Variants in PRKD2 observed in about 807,000 individuals in gnomAD.
PRKD2 encodes the protein protein kinase D2.
PRKD2 carries 22 observed loss-of-function variants against 86.0 expected under a neutral mutation model. The observed-to-expected ratio is 0.26, with a 90% CI of 0.18 to 0.37. The LOEUF (loss-of-function observed/expected upper bound fraction) is 0.37, where lower values mean the gene tolerates loss of function less well. PRKD2 is among the 10% of genes least tolerant of loss of function. The probability of loss-of-function intolerance (pLI) is 1.00; values close to 1 mark genes in which losing one functional copy is unlikely to be tolerated. For missense variants in PRKD2, 818 were observed against 1,199.2 expected (o/e 0.68, Z 4.70); for synonymous variants, 509 against 510.9 (o/e 1.00, Z 0.05).
In PRKD2 at chr19:46,713,738, T is replaced by C. The variant is rs909934446; in HGVS notation, c.379+125A>G. Reference sequence around the variant, plus strand: ...GCTCCAGCTCAGCCTCCCAAAGTGCTGGGATCACAGGCGTGAGCCACTACA... The same window carrying C: ...GCTCCAGCTCAGCCTCCCAAAGTGCCGGGATCACAGGCGTGAGCCACTACA... On this transcript the variant is annotated intron_variant, in intron 2 of 17. Coordinates refer to ENST00000291281, the MANE Select transcript of PRKD2 (RefSeq NM_016457.5). The C allele has an allele frequency of 8.4e-6, 8 of 956,250 alleles. No homozygotes were observed. The African/African-American group carries it at 1.3e-4, about 16-fold the overall frequency. The allele number at this position is 956,250 out of a possible 1,614,324, so 59.2% of individuals were successfully genotyped here.
chr19:46,694,164 A>G, intron 9 of PRKD2, 31 bp from the exon 10 acceptor site: 5 of 1,605,966 alleles, frequency 3.1e-6, no homozygotes, highest in Non-Finnish European at 4.3e-6. Context: ...ACAGGTGAGG[A>G]TGCCAGGCAG....
intron 5 of PRKD2, among the ~76,000 whole-genome samples, chr19:46,703,958 A>ACACACACACACACAC (rs1555830818): frequency 1.5e-5 from 2 of 133,658 alleles, no homozygotes; most frequent in South Asian, 2.5e-4. Context: ...AAACAACAAC[A>ACACACACACACACAC]ACACACACAC....
At chr19:46,712,588 T>C (rs920783446) in intron 2 of PRKD2, among the ~76,000 whole-genome samples, 4 of 151,804 alleles carry the variant, frequency 2.6e-5, no homozygotes, top group Non-Finnish European at 4.4e-5. Flanking sequence ...AAAACTCAGG[T>C]TTAGGGGAGA....
rs2053505700 is a variant in PRKD2 at position 46,693,100 on chromosome 19, G to C, written c.1576+775C>G. 6.6e-6 allele frequency among the ~76,000 whole-genome samples: 1 copy of C among 152,102 alleles called. No individual in the cohort carries two copies. On this transcript the variant is annotated intron_variant, in intron 10 of 17. Transcript: ENST00000291281. The surrounding 1 kb of genome is among the most constrained non-coding windows in gnomAD (Gnocchi z 4.5). The stretch of plus-strand genomic sequence containing the variant: ...GCCTCGGCCTCCAGATCTCAGTTCA[G>C]ATGTCACCTCCTCCAGGAAGCCCCC...
chr19:46,691,670 G>A (rs1307378970), intron 12 of PRKD2, 65 bp downstream of exon 12: 1 of 1,511,656 alleles, frequency 6.6e-7, no homozygotes, highest in Admixed American at 1.7e-5. Context: ...GAAAGAAAGG[G>A]CTGGAGCCAC....
At position 46,680,924 on chromosome 19, in the gene PRKD2, C is replaced by CTATATATATA. The variant is rs1159306440; in HGVS notation, c.2070+716_2070+725dup. Among the ~76,000 whole-genome samples, 23 of 72,418 alleles carry CTATATATATA rather than the reference C, an allele frequency of 3.2e-4. 1 individual carries two copies. Among genetic ancestry groups the CTATATATATA allele is most frequent in the African/African-American group, 5.6e-4 (12 of 21,458 alleles). The allele number at this position is 72,418 out of a possible 152,430, so 47.5% of individuals were successfully genotyped here. On this transcript the variant is annotated intron_variant, in intron 15 of 17. Coordinates refer to ENST00000291281, the MANE Select transcript of PRKD2 (RefSeq NM_016457.5). ...ATAAAGTGCTATATGTTGGGATAAA[C>CTATATATATA]TATATATATATATATATATATATTT...
At chr19:46,691,901 G>C in intron 11 of PRKD2, 32 bp downstream of exon 11, 1 of 1,612,454 alleles carries the variant, frequency 6.2e-7, no homozygotes, top group South Asian at 1.1e-5. Flanking sequence ...TTTGTGGGAG[G>C]GGAGGGCATC....
intron 17 of PRKD2, 55 bp downstream of exon 17, chr19:46,674,978 A>T: frequency 2.0e-6 from 3 of 1,484,746 alleles, no homozygotes; most frequent in Non-Finnish European, 2.8e-6. Flanking sequence ...TAAGCGATCT[A>T]CTCCCACCCC....
At chr19:46,707,396 AGCCTG>A (rs1287128058) in intron 3 of PRKD2, among the ~76,000 whole-genome samples, 1 of 151,518 alleles carries the variant, frequency 6.6e-6, no homozygotes, top group Non-Finnish European at 1.5e-5. Flanking sequence ...ACTTGAAACC[AGCCTG>A]GCCAACATGG....
chr19:46,676,830 C>T (rs550766121), intron 16 of PRKD2, among the ~76,000 whole-genome samples: 7 of 152,256 alleles, frequency 4.6e-5, no homozygotes, highest in East Asian at 1.9e-4. Context: ...GAGGCTGAAG[C>T]GGGCAAATAA....
chr19:46,686,864 T>A (rs2053406268), intron 14 of PRKD2, among the ~76,000 whole-genome samples: 2 of 151,442 alleles, frequency 1.3e-5, no homozygotes, highest in Admixed American at 1.3e-4. Flanking sequence ...GGTAGGAGAA[T>A]GGTGTGAACC....
intron 9 of PRKD2, 71 bp from the exon 10 acceptor site, chr19:46,694,204 G>C: frequency 6.4e-7 from 1 of 1,561,910 alleles, no homozygotes; most frequent in Non-Finnish European, 8.7e-7. Context: ...TACCCAGAAG[G>C]ATACACGGGA....
intron 8 of PRKD2, 47 bp downstream of exon 8, chr19:46,697,686 C>T (rs1020552840): frequency 1.4e-5 from 22 of 1,555,712 alleles, no homozygotes; most frequent in Non-Finnish European, 1.8e-5. Context: ...AGCCGCCCCT[C>T]TTCCAGCCTT....
intron 1 of PRKD2, among the ~76,000 whole-genome samples, chr19:46,715,269 C>G (rs2053867819): frequency 6.6e-6 from 1 of 152,164 alleles, no homozygotes; most frequent in Non-Finnish European, 1.5e-5. Flanking sequence ...AACATTTTAA[C>G]TTTCTAGGAT....
chr19:46,711,645 G>C (rs535787070), intron 2 of PRKD2, among the ~76,000 whole-genome samples: 2 of 151,918 alleles, frequency 1.3e-5, no homozygotes, highest in African/African-American at 2.4e-5. Flanking sequence ...TGCCCGCCTC[G>C]GTCTCTCAAA....
chr19:46,679,485 TTTCTC>T (rs1246224479), intron 15 of PRKD2, among the ~76,000 whole-genome samples: 1 of 152,214 alleles, frequency 6.6e-6, no homozygotes, highest in Non-Finnish European at 1.5e-5. Context: ...AAGGACCTAA[TTTCTC>T]CAGGCCTTGA....
At chr19:46,690,571 G>A in intron 13 of PRKD2, 29 bp downstream of exon 13, 1 of 1,605,412 alleles carries the variant, frequency 6.2e-7, no homozygotes, top group African/African-American at 1.3e-5. Flanking sequence ...AAAGGAAGAA[G>A]CAGAAAGGGA....
intron 5 of PRKD2, among the ~76,000 whole-genome samples, chr19:46,703,780 A>C (rs921966956): frequency 3.3e-5 from 5 of 151,656 alleles, no homozygotes; most frequent in Non-Finnish European, 7.4e-5. Context: ...TCAAAAAAAA[A>C]AAAAAGAAAA....
chr19:46,708,442 T>G (rs565792362), intron 3 of PRKD2, among the ~76,000 whole-genome samples: 1 of 151,114 alleles, frequency 6.6e-6, no homozygotes, highest in African/African-American at 2.4e-5. Context: ...CTCAGCCTCT[T>G]GAGTAGCTAG....
Sources: gnomAD v4.1 joint callset for allele counts (sites outside exome capture counted in the v4.1 genomes callset) on GRCh38, gnomAD v4.1.1 for gene constraint, Gnocchi (gnomAD v3.1) non-coding constraint, MANE v1.5 for transcripts, NCBI Gene and HGNC (gene_info 2026-07-23, HGNC 2026-07-21) for gene names.